KCNK2: variants seen among roughly 807,000 people sequenced by gnomAD.
KCNK2 encodes the protein potassium channel subfamily K member 2.
KCNK2 carries 21 observed loss-of-function variants against 40.5 expected under a neutral mutation model. The ratio of observed to expected loss-of-function variants is 0.52; its 90% CI spans 0.37 to 0.75. The LOEUF (loss-of-function observed/expected upper bound fraction) is 0.75, where lower values mean the gene tolerates loss of function less well. Ranked by LOEUF, KCNK2 falls within the 30% of genes least tolerant of loss-of-function variation. The pLI is 0.00. For missense variants in KCNK2, 399 were observed against 531.6 expected (o/e 0.75, Z 2.45); for synonymous variants, 191 against 202.2 (o/e 0.94, Z 0.47).
chr1:215,222,391 AAGTG>A (rs1666216817), intron 6 of KCNK2, among the ~76,000 whole-genome samples: 1 of 152,226 alleles, frequency 6.6e-6, no homozygotes, highest in South Asian at 2.1e-4. Flanking sequence ...ACTCTGCAAC[AAGTG>A]AGTGTTTGAT....
chr1:215,232,021 C>T (rs1666686898), intron 6 of KCNK2, among the ~76,000 whole-genome samples: 1 of 152,144 alleles, frequency 6.6e-6, no homozygotes, highest in Non-Finnish European at 1.5e-5. Flanking sequence ...ATAGGAACTA[C>T]AATTCAAGAT....
intron 1 of KCNK2, among the ~76,000 whole-genome samples, chr1:215,021,354 T>C (rs1048437795): frequency 3.3e-5 from 5 of 152,120 alleles, no homozygotes; most frequent in African/African-American, 7.2e-5. Context: ...GAAAGCATTA[T>C]GTCTGGACAC....
At chr1:215,199,444 A>G (rs1438419203) in intron 6 of KCNK2, among the ~76,000 whole-genome samples, 1 of 152,244 alleles carries the variant, frequency 6.6e-6, no homozygotes, top group African/African-American at 2.4e-5. Flanking sequence ...GAAATATTTG[A>G]AGAGGAAATG....
intron 6 of KCNK2, among the ~76,000 whole-genome samples, chr1:215,198,919 A>AT (rs1664973165): frequency 6.6e-6 from 1 of 152,146 alleles, no homozygotes; most frequent in Admixed American, 6.5e-5. Context: ...GTCTTATATT[A>AT]TTTTTTCAAA....
intron 2 of KCNK2, among the ~76,000 whole-genome samples, chr1:215,118,706 G>A (rs900131089): frequency 8.1e-5 from 12 of 147,554 alleles, no homozygotes; most frequent in African/African-American, 1.9e-4. Flanking sequence ...AAATTATGTC[G>A]TTTTTAAAAA....
chr1:215,110,418 C>T (rs1660629653), intron 2 of KCNK2, among the ~76,000 whole-genome samples: 2 of 151,902 alleles, frequency 1.3e-5, no homozygotes, highest in South Asian at 2.1e-4. Context: ...TCCAGTTTCC[C>T]TCTTTTTGGT....
intron 6 of KCNK2, among the ~76,000 whole-genome samples, chr1:215,222,814 T>A (rs1409470632): frequency 1.3e-5 from 2 of 151,466 alleles, no homozygotes; most frequent in African/African-American, 4.8e-5. Flanking sequence ...AACAATACAA[T>A]GAAATGTCAA....
chr1:215,072,887 A>ATTC (rs1658804713), intron 1 of KCNK2, among the ~76,000 whole-genome samples: 1 of 152,190 alleles, frequency 6.6e-6, no homozygotes, highest in Non-Finnish European at 1.5e-5. Flanking sequence ...CCACTACAAT[A>ATTC]AATAATAGAA....
intron 1 of KCNK2, among the ~76,000 whole-genome samples, chr1:215,042,977 A>G (rs1052172541): frequency 6.6e-6 from 1 of 152,144 alleles, no homozygotes; most frequent in Non-Finnish European, 1.5e-5. Flanking sequence ...TATAAAAAAC[A>G]TTTACTATGT....
chr1:215,125,541 G>T (rs1051621638), intron 3 of KCNK2, among the ~76,000 whole-genome samples: 5 of 151,794 alleles, frequency 3.3e-5, no homozygotes, highest in African/African-American at 4.8e-5. Flanking sequence ...TTGTGAATGA[G>T]AACACTTGGA....
chr1:215,056,388 A>G (rs1323934744), intron 1 of KCNK2, among the ~76,000 whole-genome samples: 1 of 149,532 alleles, frequency 6.7e-6, no homozygotes, highest in Non-Finnish European at 1.5e-5. Flanking sequence ...AGAAAACTAG[A>G]GGCATAAGAT....
chr1:215,140,369 T>G (rs1160861165), intron 3 of KCNK2, among the ~76,000 whole-genome samples: 1 of 152,194 alleles, frequency 6.6e-6, no homozygotes, highest in Non-Finnish European at 1.5e-5. Flanking sequence ...TATACAGTCA[T>G]GTGTCACTTA....
chr1:215,148,001 T>C (rs1256792489), intron 3 of KCNK2, among the ~76,000 whole-genome samples: 1 of 152,122 alleles, frequency 6.6e-6, no homozygotes, highest in Non-Finnish European at 1.5e-5. Flanking sequence ...TTATTAATGT[T>C]GTTTTTCTGC....
At chr1:215,074,070 T>G (rs1161940703) in intron 1 of KCNK2, among the ~76,000 whole-genome samples, 2 of 152,090 alleles carry the variant, frequency 1.3e-5, no homozygotes, top group Non-Finnish European at 2.9e-5. Context: ...GTGACTGAGG[T>G]AATGGTGGTG....
intron 1 of KCNK2, among the ~76,000 whole-genome samples, chr1:215,031,721 T>C (rs965039762): frequency 6.6e-6 from 1 of 152,240 alleles, no homozygotes; most frequent in African/African-American, 2.4e-5. Context: ...TGTTCATTAC[T>C]GGTATAGAGG....
intron 2 of KCNK2, among the ~76,000 whole-genome samples, chr1:215,106,866 G>A (rs1442255315): frequency 3.3e-5 from 5 of 151,886 alleles, no homozygotes; most frequent in Non-Finnish European, 7.4e-5. Flanking sequence ...GTTTATTTCT[G>A]TTGACTTTGT....
chr1:215,062,502 G>A (rs2102508674), intron 1 of KCNK2, among the ~76,000 whole-genome samples: 1 of 151,602 alleles, frequency 6.6e-6, no homozygotes, highest in South Asian at 2.1e-4. Flanking sequence ...TCAAAAAAGG[G>A]CAACCTCTAA....
intron 6 of KCNK2, among the ~76,000 whole-genome samples, chr1:215,202,245 CG>C (rs1665110599): frequency 6.6e-6 from 1 of 152,118 alleles, no homozygotes; most frequent in Non-Finnish European, 1.5e-5. Flanking sequence ...CTCTTTCCCA[CG>C]GGGAGAGGGG....
Position 215,195,104 on chromosome 1 carries a change from G to A in KCNK2, c.963+12G>A, listed in dbSNP as rs1171052566. ...AGACAAAAGAAGAGGTGAGAATTAA[G>A]AAGTGTGCAAAAAACTTCTATTTAG... On this transcript the variant is annotated intron_variant, in intron 6 of 6. Coordinates refer to ENST00000444842, the MANE Select transcript of KCNK2 (RefSeq NM_001017425.3). The A allele has an allele frequency of 3.8e-6, 6 of 1,579,732 alleles. No homozygotes were observed. The Admixed American group carries it at 7.3e-5, about 19-fold the overall frequency.
Sources: allele counts gnomAD v4.1 joint callset (sites outside exome capture counted in the v4.1 genomes callset), GRCh38; gene constraint gnomAD v4.1.1; transcripts MANE v1.5; gene names NCBI Gene and HGNC (gene_info 2026-07-23, HGNC 2026-07-21).